The following KCNT1 variants were observed in gnomAD, a reference collection of about 807,000 sequenced individuals.
KCNT1 encodes the protein potassium sodium-activated channel subfamily T member 1, also known as potassium channel subfamily T member 1.
Under a neutral mutation model 147.8 loss-of-function variants are expected in KCNT1, and 78 were observed. The observed-to-expected ratio is 0.53, with a 90% CI of 0.44 to 0.64. The LOEUF (loss-of-function observed/expected upper bound fraction) is 0.64. Among genes scored for constraint, KCNT1 ranks in the 30% least tolerant of loss-of-function variants. KCNT1 has a pLI of 0.00. For missense variants in KCNT1, 1,419 were observed against 1,750.3 expected, an observed-to-expected ratio of 0.81 and a Z score of 3.38; for synonymous variants, 867 against 748.8, an observed-to-expected ratio of 1.16 and a Z score of -2.58.
At position 135,778,845 on chromosome 9, in the gene KCNT1, G is replaced by A. The variant is rs111639714; in HGVS notation, c.2729+23G>A. The A allele has an allele frequency of 1.2e-4, 200 of 1,611,016 alleles. 1 individual carries two copies. The African/African-American group carries it at 1.7e-3, about 14-fold the overall frequency. On this transcript the variant is annotated intron_variant, in intron 23 of 30. Transcript: ENST00000371757. ...CCGGTGCGTCCAGTGTCCGGGGCTC[G>A]GCTCTAAACCACCCCACAGCCACGA...
chr9:135,710,229 T>C (rs549456132), intron 1 of KCNT1, among the ~76,000 whole-genome samples: 8 of 152,340 alleles, frequency 5.3e-5, no homozygotes, highest in African/African-American at 1.4e-4. Context: ...TGAACACTTT[T>C]CCCTGTATTT....
chr9:135,707,330 C>T (rs1298022652), intron 1 of KCNT1, among the ~76,000 whole-genome samples: 1 of 152,066 alleles, frequency 6.6e-6, no homozygotes, highest in Non-Finnish European at 1.5e-5. Flanking sequence ...CCTCCCCACC[C>T]TCAGGCTGTC....
chr9:135,791,933 C>T (rs746630127), intron 30 of KCNT1, 52 bp downstream of exon 30: 9 of 1,610,064 alleles, frequency 5.6e-6, no homozygotes, highest in African/African-American at 1.3e-5. Flanking sequence ...ACCAGGTGGG[C>T]ACTGGGGAGA....
chr9:135,710,531 C>T (rs1379289301), intron 1 of KCNT1, among the ~76,000 whole-genome samples: 1 of 152,168 alleles, frequency 6.6e-6, no homozygotes, highest in East Asian at 1.9e-4. Flanking sequence ...GTTCCAATAC[C>T]ATAGGACGAG....
intron 2 of KCNT1, among the ~76,000 whole-genome samples, chr9:135,717,750 C>T (rs1262620048): frequency 6.6e-6 from 1 of 152,238 alleles, no homozygotes; most frequent in African/African-American, 2.4e-5. Context: ...TTACCCCACC[C>T]AGGAATGGCA....
intron 1 of KCNT1, among the ~76,000 whole-genome samples, chr9:135,705,383 G>T (rs1215447110): frequency 6.6e-6 from 1 of 152,256 alleles, no homozygotes; most frequent in Non-Finnish European, 1.5e-5. Context: ...GAGGGATGCT[G>T]AACGGGTATC....
Position 135,723,261 on chromosome 9 carries a change from C to T in KCNT1, c.254+8541C>T, listed in dbSNP as rs572973628. Among the ~76,000 whole-genome samples the T allele has an allele frequency of 1.3e-4, 20 of 152,348 alleles. No individual in the cohort carries two copies. In the South Asian group the frequency reaches 3.1e-3, roughly 24 times the overall value. Reference sequence around the variant, plus strand: ...AGGGTGGGTGAGCTGTCCCGTGACCCGTCACCCCTCCACCAGGTCCCAAAA... The same window carrying T: ...AGGGTGGGTGAGCTGTCCCGTGACCTGTCACCCCTCCACCAGGTCCCAAAA... On this transcript the variant is annotated intron_variant, in intron 2 of 30. Transcript: ENST00000371757.
At chr9:135,753,867 C>T in intron 4 of KCNT1, 70 bp from the exon 5 acceptor site, 2 of 1,558,730 alleles carry the variant, frequency 1.3e-6, no homozygotes, top group Non-Finnish European at 1.8e-6. Context: ...CTGTGGAAGC[C>T]CTCGGGCAGC....
intron 1 of KCNT1, among the ~76,000 whole-genome samples, chr9:135,713,432 CTGCTTGTCTGA>C (rs1225427455): frequency 6.6e-6 from 1 of 152,248 alleles, no homozygotes; most frequent in African/African-American, 2.4e-5. Context: ...TCCTTGCCTG[CTGCTTGTCTGA>C]GGGTTAGGGG....
Position 135,764,743 on chromosome 9 carries a change from C to T in KCNT1, c.1036-288C>T, listed in dbSNP as rs570528129. ...ATCAAGAGAGTGATCCCCAATCCCA[C>T]GGGCTGAGCCTCCCCACCCTCGGTT... On this transcript the variant is annotated intron_variant, in intron 11 of 30. Transcript: ENST00000371757. Among the ~76,000 whole-genome samples the T allele has an allele frequency of 6.2e-4, 95 of 152,296 alleles. 1 individual carries two copies. The South Asian group carries it at 0.018, about 29-fold the overall frequency.
At chr9:135,755,064 G>C in intron 5 of KCNT1, 57 bp from the exon 6 acceptor site, 1 of 1,513,854 alleles carries the variant, frequency 6.6e-7, no homozygotes, top group South Asian at 1.3e-5. Context: ...CCCCAGGGTG[G>C]CTGGGGGACA....
At chr9:135,786,085 CGCAGGCCCCAAGCT>C in intron 28 of KCNT1, 98 bp from the exon 29 acceptor site, 2 of 940,656 alleles carry the variant, frequency 2.1e-6, no homozygotes, top group South Asian at 3.2e-5. Flanking sequence ...GCTGCTCCCA[CGCAGGCCCCAAGCT>C]GCAGAGCCCA....
chr9:135,712,375 T>TGG (rs746271234), intron 1 of KCNT1, among the ~76,000 whole-genome samples: 2 of 152,190 alleles, frequency 1.3e-5, no homozygotes, highest in Non-Finnish European at 2.9e-5. Flanking sequence ...GATGTGGCCT[T>TGG]GGGGGTCCTA....
rs558510295 is a variant in KCNT1 at position 135,723,548 on chromosome 9, G to A, written c.254+8828G>A. Reference sequence around the variant, plus strand: ...CCGAAGGGGCATTTTGTGCCTGTGCGACCGACAGCTGTGCCCACGCGTCTG... The same window carrying A: ...CCGAAGGGGCATTTTGTGCCTGTGCAACCGACAGCTGTGCCCACGCGTCTG... On this transcript the variant is annotated intron_variant, in intron 2 of 30. Coordinates refer to ENST00000371757, the MANE Select transcript of KCNT1 (RefSeq NM_020822.3). Among the ~76,000 whole-genome samples, 15 of 152,304 alleles carry A rather than the reference G, an allele frequency of 9.8e-5. No homozygotes were observed. In the East Asian group the frequency reaches 2.3e-3, roughly 24 times the overall value.
At position 135,772,772 on chromosome 9, in the gene KCNT1, G is replaced by T; in HGVS notation, c.2066G>T (p.Gly689Val). ...CACCGGCCTACGCAGAGCGGCGGTG[G>T]GGGCGGGGGCAGCAAGCTGGCACTG... ...TEHRPTQSGG[G>V]GGGSKLALPT... Residue 689 changes from glycine (G) to valine (V), a missense_variant, in exon 19 of 31, where the codon GGG (glycine) becomes GTG (valine). Gly to Val is a moderately radical substitution (Grantham distance 109). Transcript: ENST00000371757. The T allele has an allele frequency of 6.8e-7, 1 of 1,481,002 alleles. No homozygotes were observed. Among genetic ancestry groups the T allele is most frequent in the East Asian group, 2.6e-5 (1 of 39,162 alleles). The allele number at this position is 1,481,002 out of a possible 1,614,324, so 91.7% of individuals were successfully genotyped here.
chr9:135,708,429 C>T (rs1388044740), intron 1 of KCNT1, among the ~76,000 whole-genome samples: 1 of 152,250 alleles, frequency 6.6e-6, no homozygotes, highest in Admixed American at 6.5e-5. Flanking sequence ...TCATCTCCCT[C>T]CTCCCTAACT....
At chr9:135,733,264 ACTGCCCTCACAC>A (rs1830188784) in intron 2 of KCNT1, among the ~76,000 whole-genome samples, 1 of 37,648 alleles carries the variant, frequency 2.7e-5, no homozygotes, top group African/African-American at 1.1e-4. Flanking sequence ...CTGCCCCACA[ACTGCCCTCACAC>A]CTGCCCCCCA....
At chr9:135,702,428 G>T in intron 1 of KCNT1, 60 bp downstream of exon 1, 1 of 1,292,026 alleles carries the variant, frequency 7.7e-7, no homozygotes, top group African/African-American at 1.5e-5. Context: ...AGACCCCCAA[G>T]TTCCCCCTCA....
intron 19 of KCNT1, 131 bp downstream of exon 19, chr9:135,773,080 C>G (rs994363599): frequency 1.2e-5 from 7 of 582,216 alleles, no homozygotes; most frequent in Non-Finnish European, 1.9e-5. Flanking sequence ...CCGTGGAAGT[C>G]CTTGTTTGAC....
Sources: gnomAD v4.1 joint callset for allele counts (sites outside exome capture counted in the v4.1 genomes callset) on GRCh38, gnomAD v4.1.1 for gene constraint, MANE v1.5 for transcripts, NCBI Gene and HGNC (gene_info 2026-07-23, HGNC 2026-07-21) for gene names.